The following TNFRSF25 variants were observed in gnomAD, a reference collection of about 807,000 sequenced individuals.
The protein encoded by TNFRSF25 is TNF receptor superfamily member 25, also known as tumor necrosis factor receptor superfamily member 25.
TNFRSF25 carries 28 observed loss-of-function variants against 49.4 expected under a neutral mutation model. The observed-to-expected ratio is 0.57, with a 90% CI of 0.42 to 0.78. TNFRSF25 has a LOEUF of 0.78. Ranked by LOEUF, TNFRSF25 falls within the 30% of genes least tolerant of loss-of-function variation. The pLI, the probability that TNFRSF25 is intolerant of heterozygous loss-of-function variation, is 0.00. For synonymous variants in TNFRSF25, 240 were observed against 234.2 expected, an observed-to-expected ratio of 1.02 and a Z score of -0.23; for missense variants, 531 against 581.6, an observed-to-expected ratio of 0.91 and a Z score of 0.90.
In TNFRSF25 at chr1:6,461,110, T is replaced by A. The variant is rs3138157; in HGVS notation, c.*324A>T. ...TTCGAATCCCTCGAGAAAAGTCCAG[T>A]CCACTTAACACCCCAGCCCCGCAGA... On this transcript the variant is annotated 3_prime_UTR_variant, in exon 10 of 10. Transcript: ENST00000356876. This position sits in a 1 kb window ranked among gnomAD's most constrained non-coding sequence, Gnocchi z 6.3. 0.029 allele frequency: 16,699 copies of A among 568,630 alleles called. 326 individuals carry two copies. Among genetic ancestry groups the A allele is most frequent in the Non-Finnish European group, 0.037 (10,725 of 291,324 alleles). 35.2% of individuals were successfully genotyped at this position (568,630 alleles called of 1,614,324 possible). A position where few individuals can be genotyped will look rare whatever the true frequency, so the allele number is the denominator to read the frequency against.
At position 6,462,469 on chromosome 1, in the gene TNFRSF25, C is replaced by T. The variant is rs922231113; in HGVS notation, c.744+160G>A. ...CAGCTGACTGAGCACCCCTTGAGGG[C>T]AGGCACTGTGCTGGTCTCATCCACT... On this transcript the variant is annotated intron_variant, in intron 8 of 9. Coordinates refer to ENST00000356876, the MANE Select transcript of TNFRSF25 (RefSeq NM_003790.3). This position sits in a 1 kb window ranked among gnomAD's most constrained non-coding sequence, Gnocchi z 4.2. 7 of 1,481,016 alleles carry T rather than the reference C, an allele frequency of 4.7e-6. No individual in the cohort carries two copies. In the East Asian group the frequency reaches 1.2e-4, roughly 25 times the overall value. The allele number at this position is 1,481,016 out of a possible 1,614,324, so 91.7% of individuals were successfully genotyped here.
In TNFRSF25 at chr1:6,464,388, C is replaced by G; in HGVS notation, c.529G>C (p.Val177Leu). 1.9e-6 allele frequency: 3 copies of G among 1,609,772 alleles called. No homozygotes were observed. The highest frequency in any genetic ancestry group is 2.2e-5 in the South Asian group (2 of 90,096). ...GCTAGGAATTACGTGGGGCAGGACACGCAGCCATCGCCATGTTCATAGAAG... is the reference window on the plus strand; with the variant it reads ...GCTAGGAATTACGTGGGGCAGGACAGGCAGCCATCGCCATGTTCATAGAAG... Reference protein sequence around the residue: ...PGFYEHGDGCVSCPTSTLGSC... With the variant: ...PGFYEHGDGCLSCPTSTLGSC... The change falls in exon 5 of 10, where the codon GTG becomes CTG. Residue 177 changes from valine to leucine, a missense_variant. Val to Leu is a conservative substitution (Grantham distance 32). Coordinates refer to ENST00000356876, the MANE Select transcript of TNFRSF25 (RefSeq NM_003790.3).
rs371678827 is a variant in TNFRSF25, at chr1:6,464,731, G to T, written c.296-12C>A. On this transcript the variant is annotated splice_polypyrimidine_tract_variant and intron_variant, in intron 3 of 9. Transcript: ENST00000356876. ...CGCCACCTGGGAGGCTGGTGGGGGT[G>T]CAGGGAGATGGGGAGTGGAGAGTTA... 1 of 1,611,190 alleles carries T rather than the reference G, an allele frequency of 6.2e-7. No homozygotes were observed. Among genetic ancestry groups the T allele is most frequent in the Non-Finnish European group, 8.5e-7 (1 of 1,178,302 alleles).
rs1344569239 is a variant in TNFRSF25, at chr1:6,462,848, G to C, written c.706+15C>G. 1 of 1,598,584 alleles carries C rather than the reference G, an allele frequency of 6.3e-7. No homozygotes were observed. Among genetic ancestry groups the C allele is most frequent in the East Asian group, 2.3e-5 (1 of 44,324 alleles). ...CCCCAGGCTTCTGGGTGCGTGTGTGGGTGTGTGTACTTACCAGTAACCAGG... is the reference window on the plus strand; with the variant it reads ...CCCCAGGCTTCTGGGTGCGTGTGTGCGTGTGTGTACTTACCAGTAACCAGG... On this transcript the variant is annotated intron_variant, in intron 7 of 9. Coordinates refer to ENST00000356876, the MANE Select transcript of TNFRSF25 (RefSeq NM_003790.3). This position sits in a 1 kb window ranked among gnomAD's most constrained non-coding sequence, Gnocchi z 4.2.
chr1:6,465,662 C>A, intron 1 of TNFRSF25, 102 bp from the exon 2 acceptor site: 1 of 1,495,602 alleles, frequency 6.7e-7, no homozygotes, highest in Admixed American at 2.3e-5. Context: ...GCCCACAGAG[C>A]AGCCCACTTC....
Position 6,465,112 on chromosome 1 carries a change from G to A in TNFRSF25, c.271C>T (p.Arg91Cys), listed in dbSNP as rs1269437743. The change falls in exon 3 of 10, where the codon CGC becomes TGC. Residue 91 changes from arginine to cysteine, a missense_variant. By Grantham distance (180) the Arg-to-Cys change is radical (BLOSUM62 -3). Coordinates refer to ENST00000356876, the MANE Select transcript of TNFRSF25 (RefSeq NM_003790.3). ...CCCTGCTCATCACAGGCCTGGCAGCGGGCACATTCAGAATTATGGTGGTTC... is the reference window on the plus strand; with the variant it reads ...CCCTGCTCATCACAGGCCTGGCAGCAGGCACATTCAGAATTATGGTGGTTC... ...WENHHNSECA[R>C]CQACDEQASQ... 4.3e-6 allele frequency: 7 copies of A among 1,613,904 alleles called. No individual in the cohort carries two copies. Among genetic ancestry groups the A allele is most frequent in the South Asian group, 1.1e-5 (1 of 91,064 alleles).
intron 4 of TNFRSF25, 38 bp from the exon 5 acceptor site, chr1:6,464,491 G>A: frequency 6.2e-7 from 1 of 1,612,352 alleles, no homozygotes. Flanking sequence ...CATGGGACAG[G>A]AGTGGGTCAG....
chr1:6,461,004 G>A lies in TNFRSF25; in HGVS notation c.*430C>T. ...GGGTAATTGAGCCAGAGTGGACTCGGGAGGGGCAGGCTTGGGAGCTAAGGC... is the reference window on the plus strand; with the variant it reads ...GGGTAATTGAGCCAGAGTGGACTCGAGAGGGGCAGGCTTGGGAGCTAAGGC... On this transcript the variant is annotated 3_prime_UTR_variant, in exon 10 of 10. Coordinates refer to ENST00000356876, the MANE Select transcript of TNFRSF25 (RefSeq NM_003790.3). This position sits in a 1 kb window ranked among gnomAD's most constrained non-coding sequence, Gnocchi z 6.3. 2.6e-6 allele frequency: 1 copy of A among 390,060 alleles called. No individual in the cohort carries two copies. The highest frequency in any genetic ancestry group is 5.2e-6 in the Non-Finnish European group (1 of 192,320). 24.2% of individuals were successfully genotyped at this position (390,060 alleles called of 1,614,324 possible).
rs1365367118 is a variant in TNFRSF25, at chr1:6,465,526, T to C, written c.74A>G (p.Gln25Arg). The C allele has an allele frequency of 1.2e-6, 2 of 1,613,514 alleles. No homozygotes were observed. Among genetic ancestry groups the C allele is most frequent in the Admixed American group, 1.7e-5 (1 of 60,000 alleles). Reference protein sequence around the residue: ...LLLVLLGARAQGGTRSPRCDC... With the variant: ...LLLVLLGARARGGTRSPRCDC... The stretch of plus-strand genomic sequence containing the variant: ...ACACCTGGGGCTACGAGTGCCGCCC[T>C]GGGCCCGGGCCCCCAGCAGCACCAG... Residue 25 changes from glutamine (Q) to arginine (R), a missense_variant, in exon 2 of 10, where the codon CAG becomes CGG. Gln to Arg is a conservative substitution (Grantham distance 43). Transcript: ENST00000356876.
Position 6,462,863 on chromosome 1 carries a change from C to G in TNFRSF25, c.706G>C (p.Ala236Pro). The G allele has an allele frequency of 6.2e-7, 1 of 1,605,922 alleles. No homozygotes were observed. Among genetic ancestry groups the G allele is most frequent in the Non-Finnish European group, 8.5e-7 (1 of 1,176,030 alleles). Reference protein sequence around the residue: ...HCWPHKPLVTADEAGMEALTP... With the variant: ...HCWPHKPLVTPDEAGMEALTP... ...TGCGTGTGTGGGTGTGTGTACTTAC[C>G]AGTAACCAGGGGCTTGTGAGGCCAG... The change falls in exon 7 of 10, where the codon GCA becomes CCA. Residue 236 changes from alanine to proline, a missense_variant and splice_region_variant. Transcript: ENST00000356876. This position sits in a 1 kb window ranked among gnomAD's most constrained non-coding sequence, Gnocchi z 4.2.
rs996363178 is a variant in TNFRSF25, at chr1:6,462,388, C to T, written c.745-214G>A. 4 of 1,179,260 alleles carry T rather than the reference C, an allele frequency of 3.4e-6. No homozygotes were observed. Among genetic ancestry groups the T allele is most frequent in the Non-Finnish European group, 4.6e-6 (4 of 865,504 alleles). 73.0% of individuals were successfully genotyped at this position (1,179,260 alleles called of 1,614,324 possible). A position where few individuals can be genotyped will look rare whatever the true frequency, so the allele number is the denominator to read the frequency against. On this transcript the variant is annotated intron_variant, in intron 8 of 9. Coordinates refer to ENST00000356876, the MANE Select transcript of TNFRSF25 (RefSeq NM_003790.3). The surrounding 1 kb of genome is among the most constrained non-coding windows in gnomAD (Gnocchi z 4.2). ...CCGCCTCCTTCCTCTTGTCCCCCAG[C>T]ACCATGGGGCTCTCCTTCCATTGAA...
Position 6,461,665 on chromosome 1 carries a change from C to G in TNFRSF25, c.1023G>C (p.Ala341=), listed in dbSNP as rs776222482. 8.8e-6 allele frequency: 14 copies of G among 1,598,638 alleles called. No individual in the cohort carries two copies. Among genetic ancestry groups the G allele is most frequent in the Non-Finnish European group, 1.1e-5 (13 of 1,176,806 alleles). Residue 341 remains alanine (A), a synonymous_variant, in exon 10 of 10, where the codon GCG becomes GCC. Transcript: ENST00000356876. This position sits in a 1 kb window ranked among gnomAD's most constrained non-coding sequence, Gnocchi z 6.3. ...PGPQLYDVMD[A]VPARRWKEFV... ...ACTCCTTCCAGCGCCGCGCTGGGACCGCGTCCATCACGTCGTAGAGCTGCG... is the reference window on the plus strand; with the variant it reads ...ACTCCTTCCAGCGCCGCGCTGGGACGGCGTCCATCACGTCGTAGAGCTGCG...
rs1569781636 is a variant in TNFRSF25, at chr1:6,461,997, G to A, written c.922C>T (p.Leu308Phe). 6.2e-7 allele frequency: 1 copy of A among 1,606,012 alleles called. No homozygotes were observed. The highest frequency in any genetic ancestry group is 1.1e-5 in the South Asian group (1 of 90,628). Residue 308 changes from leucine (L) to phenylalanine (F), a missense_variant, in exon 9 of 10, where the codon CTT becomes TTT. Transcript: ENST00000356876. The surrounding 1 kb of genome is among the most constrained non-coding windows in gnomAD (Gnocchi z 6.3). ...WSWDQLPSRA[L>F]GPAAAPTLSP... ...TCAGGCCACTGATGTCCCTTACCAA[G>A]AGCTCTGCTGGGCAACTGGTCCCAG...
rs984714677 is a variant in TNFRSF25, at chr1:6,465,732, G to A, written c.40-172C>T. 2.0e-5 allele frequency: 29 copies of A among 1,432,880 alleles called. No individual in the cohort carries two copies. The African/African-American group carries it at 2.7e-4, about 13-fold the overall frequency. 88.8% of individuals were successfully genotyped at this position (1,432,880 alleles called of 1,614,324 possible). A position where few individuals can be genotyped will look rare whatever the true frequency, so the allele number is the denominator to read the frequency against. On this transcript the variant is annotated intron_variant, in intron 1 of 9. Transcript: ENST00000356876. ...AGAGGAAACTAACTTCCTTCCCCCC[G>A]CGCACACACCAGGCTTCGGAGGGGG...
chr1:6,462,122 T>C lies in TNFRSF25; in HGVS notation c.797A>G (p.Asp266Gly). Residue 266 changes from aspartate (D) to glycine (G), a missense_variant, in exon 9 of 10, where the codon GAC becomes GGC. Physicochemically the swap from Asp to Gly is moderately conservative, Grantham distance 94. Coordinates refer to ENST00000356876, the MANE Select transcript of TNFRSF25 (RefSeq NM_003790.3). The surrounding 1 kb of genome is among the most constrained non-coding windows in gnomAD (Gnocchi z 4.2). Reference protein sequence around the residue: ...DSAHTLLAPPDSSEKICTVQL... With the variant: ...DSAHTLLAPPGSSEKICTVQL... ...GACGGTGCAGATCTTCTCACTGCTG[T>C]CAGGAGGTGCTAGAAGGGTGTGGGC... is the stretch of plus-strand genomic sequence containing the variant. 1.2e-6 allele frequency: 2 copies of C among 1,613,648 alleles called. No individual in the cohort carries two copies. Among genetic ancestry groups the C allele is most frequent in the Non-Finnish European group, 1.7e-6 (2 of 1,179,866 alleles).
rs183391534 is a variant in TNFRSF25, at chr1:6,461,002, C to T, written c.*432G>A. On this transcript the variant is annotated 3_prime_UTR_variant, in exon 10 of 10. Transcript: ENST00000356876. The surrounding 1 kb of genome is among the most constrained non-coding windows in gnomAD (Gnocchi z 6.3). ...CGGGGTAATTGAGCCAGAGTGGACT[C>T]GGGAGGGGCAGGCTTGGGAGCTAAG... 24 of 388,934 alleles carry T rather than the reference C, an allele frequency of 6.2e-5. No homozygotes were observed. Among genetic ancestry groups the T allele is most frequent in the Admixed American group, 4.0e-4 (11 of 27,468 alleles). 24.1% of individuals were successfully genotyped at this position (388,934 alleles called of 1,614,324 possible). A position where few individuals can be genotyped will look rare whatever the true frequency, so the allele number is the denominator to read the frequency against.
Position 6,462,989 on chromosome 1 carries a change from T to C in TNFRSF25, c.599-19A>G, listed in dbSNP as rs1644224107. ...CAGAACACTGAAAGCAGCTGGTGGG[T>C]GTTGGGTGGTTGCCCCCCTCCTCAC... On this transcript the variant is annotated intron_variant, in intron 6 of 9. Coordinates refer to ENST00000356876, the MANE Select transcript of TNFRSF25 (RefSeq NM_003790.3). The surrounding 1 kb of genome is among the most constrained non-coding windows in gnomAD (Gnocchi z 4.2). 1 of 1,572,650 alleles carries C rather than the reference T, an allele frequency of 6.4e-7. No individual in the cohort carries two copies. The highest frequency in any genetic ancestry group is 1.3e-5 in the African/African-American group (1 of 74,148).
At chr1:6,465,011 T>G (rs1644302245) in intron 3 of TNFRSF25, 77 bp downstream of exon 3, 2 of 1,552,816 alleles carry the variant, frequency 1.3e-6, no homozygotes, top group East Asian at 4.5e-5. Flanking sequence ...CACCCCAAGT[T>G]TGGGCCCGAG....
chr1:6,464,339 C>A, intron 5 of TNFRSF25, 36 bp downstream of exon 5: 1 of 1,579,058 alleles, frequency 6.3e-7, no homozygotes, highest in South Asian at 1.2e-5. Context: ...TGCTCCCAGC[C>A]GCCCTTCCCT....
Sources: allele counts gnomAD v4.1 joint callset, GRCh38; gene constraint gnomAD v4.1.1; non-coding constraint Gnocchi (gnomAD v3.1); transcripts MANE v1.5; gene names NCBI Gene and HGNC (gene_info 2026-07-23, HGNC 2026-07-21).